FAM161B: variants seen among roughly 807,000 people sequenced by gnomAD.
The protein encoded by FAM161B is FAM161 centrosomal protein B, also known as protein FAM161B.
Under a neutral mutation model 61.5 loss-of-function variants are expected in FAM161B, and 46 were observed. The observed-to-expected ratio is 0.75, with a 90% confidence interval of 0.59 to 0.96. The LOEUF is 0.96. FAM161B is among the 40% of genes least tolerant of loss of function. FAM161B has a pLI of 0.00. For missense variants in FAM161B, 774 were observed against 800.7 expected, an observed-to-expected ratio of 0.97 and a Z score of 0.40; for synonymous variants, 284 against 302.7, an observed-to-expected ratio of 0.94 and a Z score of 0.64.
Position 73,944,318 on chromosome 14 carries a change from G to A in FAM161B, c.925+17C>T, listed in dbSNP as rs766587325. 9 of 1,554,458 alleles carry A rather than the reference G, an allele frequency of 5.8e-6. No individual in the cohort carries two copies. In the East Asian group the frequency reaches 1.4e-4, roughly 24 times the overall value. ...TCCCCGAGGCAGGAGGCAGCAAGGT[G>A]GCAAGGATGTCTTTACCCTGGAGTT... On this transcript the variant is annotated intron_variant, in intron 3 of 8. Coordinates refer to ENST00000286544, the MANE Select transcript of FAM161B (RefSeq NM_152445.3).
At chr14:73,942,877 T>G (rs2056031955) in intron 3 of FAM161B, among the ~76,000 whole-genome samples, 162 bp from the exon 4 acceptor site, 1 of 152,094 alleles carries the variant, frequency 6.6e-6, no homozygotes. Flanking sequence ...TGCCTGCAGA[T>G]GGCCTGAATA....
intron 1 of FAM161B, among the ~76,000 whole-genome samples, chr14:73,948,704 C>T (rs572297113): frequency 2.0e-4 from 30 of 152,354 alleles, no homozygotes; most frequent in Non-Finnish European, 3.8e-4. Flanking sequence ...AGAACACCTT[C>T]ATCGCCCTTA....
chr14:73,948,370 G>A (rs11624578), intron 1 of FAM161B, among the ~76,000 whole-genome samples: 46,083 of 152,168 alleles, frequency 0.3, 8,899 homozygotes, highest in Non-Finnish European at 0.42. Flanking sequence ...TGCTCTTGCC[G>A]TTGGCATTAT....
Position 73,942,675 on chromosome 14 carries a change from G to A in FAM161B, c.966C>T (p.Ala322=). ...AAGAGGCCATCTGGAGCATGTCCAG[G>A]GCTCTCATTTGGATGCGAATTTTCC... ...LFRKIRIQMR[A]LDMLQMASSP... Residue 322 remains alanine, a synonymous_variant, in exon 4 of 9, where the codon GCC becomes GCT. Transcript: ENST00000286544. 6.2e-7 allele frequency: 1 copy of A among 1,614,014 alleles called. No homozygotes were observed. Among genetic ancestry groups the A allele is most frequent in the South Asian group, 1.1e-5 (1 of 91,066 alleles).
intron 4 of FAM161B, among the ~76,000 whole-genome samples, chr14:73,942,109 G>C (rs900610102): frequency 1.2e-4 from 18 of 152,114 alleles, no homozygotes; most frequent in African/African-American, 4.3e-4. Context: ...TCCCACCTCA[G>C]CCTCCTGAAT....
chr14:73,937,905 A>T (rs1396296522), intron 6 of FAM161B, 43 bp downstream of exon 6: 6 of 1,611,204 alleles, frequency 3.7e-6, no homozygotes, highest in African/African-American at 1.3e-5. Flanking sequence ...GGTCTGTTGG[A>T]TCCCAAGGCA....
downstream of FAM161B, among the ~76,000 whole-genome samples, chr14:73,929,613 G>T (rs1446869731): frequency 6.6e-6 from 1 of 151,970 alleles, no homozygotes; most frequent in African/African-American, 2.4e-5. Context: ...GGGGTGGGAG[G>T]ATCAATTGAG....
At chr14:73,926,426 TTTG>T in the FAM161B span, among the ~76,000 whole-genome samples, 1 of 151,964 alleles carries the variant, frequency 6.6e-6, no homozygotes, top group Non-Finnish European at 1.5e-5. Context: ...GGTTTTTTGT[TTTG>T]TTTTGTTTTT....
intron 8 of FAM161B, among the ~76,000 whole-genome samples, chr14:73,934,898 A>AT (rs2055958139): frequency 6.6e-6 from 1 of 151,754 alleles, no homozygotes; most frequent in Non-Finnish European, 1.5e-5. Context: ...AATACAAAAA[A>AT]TAGCTGGGCG....
chr14:73,931,979 C>T (rs1427612607), downstream of FAM161B: 3 of 456,672 alleles, frequency 6.6e-6, no homozygotes, highest in East Asian at 6.9e-5. Context: ...TTTCAAGATG[C>T]CTTGTTGCTT....
Position 73,942,428 on chromosome 14 carries a change from T to C in FAM161B, c.1213A>G (p.Thr405Ala), listed in dbSNP as rs773884951. Residue 405 changes from threonine (T) to alanine (A), a missense_variant, in exon 4 of 9, where the codon ACC (threonine) becomes GCC (alanine). Coordinates refer to ENST00000286544, the MANE Select transcript of FAM161B (RefSeq NM_152445.3). ...CGCTGAGGGTGGCGCAGGTTGGCGG[T>C]CCTCAGCAAGAAGGGCTTGTTGCGA... is the stretch of plus-strand genomic sequence containing the variant. ...ATRNKPFLLR[T>A]ANLRHPQRPC... 1 of 1,614,168 alleles carries C rather than the reference T, an allele frequency of 6.2e-7. No individual in the cohort carries two copies. Among genetic ancestry groups the C allele is most frequent in the Non-Finnish European group, 8.5e-7 (1 of 1,180,038 alleles).
chr14:73,946,119 A>T (rs1253439674), intron 2 of FAM161B, among the ~76,000 whole-genome samples, 167 bp downstream of exon 2: 2 of 152,158 alleles, frequency 1.3e-5, no homozygotes, highest in Non-Finnish European at 1.5e-5. Context: ...CCTGGGGAGG[A>T]ATCAGAACAC....
At chr14:73,932,206 G>T, downstream of FAM161B, 1 of 334,574 alleles carries the variant, frequency 3.0e-6, no homozygotes, top group Non-Finnish European at 5.8e-6. Flanking sequence ...TCATGTTTTT[G>T]TTTTTTTAAA....
Position 73,946,575 on chromosome 14 carries a change from CTG to C in FAM161B, c.83_84del (p.Thr28ArgfsTer20), listed in dbSNP as rs2056069442. On this transcript the variant is annotated frameshift_variant, in exon 2 of 9. Coordinates refer to ENST00000286544, the MANE Select transcript of FAM161B (RefSeq NM_152445.3). LOFTEE classifies it high-confidence loss of function. ...QIFPPESFAD[T>X]EAGEELSGDG... ...TCCCCGGACAGCTCCTCTCCTGCCTCTGTGTCTGCGAAGGACTCGGGGGGAAA... is the reference window on the plus strand; with the variant it reads ...TCCCCGGACAGCTCCTCTCCTGCCTCTGTCTGCGAAGGACTCGGGGGGAAA... 1.9e-6 allele frequency: 3 copies of C among 1,613,952 alleles called. No individual in the cohort carries two copies. Among genetic ancestry groups the C allele is most frequent in the East Asian group, 2.2e-5 (1 of 44,876 alleles).
At chr14:73,925,264 C>T in the FAM161B span, among the ~76,000 whole-genome samples, 4 of 152,254 alleles carry the variant, frequency 2.6e-5, no homozygotes, top group South Asian at 2.1e-4. Flanking sequence ...ATCTCACTTA[C>T]GGAGCCTTCC....
At chr14:73,934,717 G>C (rs558395192) in intron 8 of FAM161B, among the ~76,000 whole-genome samples, 3 of 151,976 alleles carry the variant, frequency 2.0e-5, no homozygotes, top group Non-Finnish European at 4.4e-5. Flanking sequence ...AAAGTGCTGG[G>C]ATTACAGGCG....
In FAM161B at chr14:73,935,265, C is replaced by T. The variant is rs142973612; in HGVS notation, c.1805+684G>A. Among the ~76,000 whole-genome samples, 804 of 151,646 alleles carry T rather than the reference C, an allele frequency of 5.3e-3. 6 individuals are homozygous for T. The highest frequency in any genetic ancestry group is 0.03 in the South Asian group (142 of 4,788). ...ATGGAGGGCCGGGCGCGGTCACTCA[C>T]GCCTGTAATCCCAGCACTTTGGGAG... On this transcript the variant is annotated intron_variant, in intron 8 of 8. Transcript: ENST00000286544.
the FAM161B span, chr14:73,924,706 T>C: frequency 2.2e-6 from 1 of 447,556 alleles, no homozygotes; most frequent in South Asian, 1.6e-5. Flanking sequence ...AGACAGAGTC[T>C]CGCTCCGTTG....
At chr14:73,948,270 G>A (rs1475223004) in intron 1 of FAM161B, among the ~76,000 whole-genome samples, 1 of 152,238 alleles carries the variant, frequency 6.6e-6, no homozygotes, top group African/African-American at 2.4e-5. Flanking sequence ...AGTAGGGTGG[G>A]TAAGTAATTG....
Sources: allele counts gnomAD v4.1 joint callset (sites outside exome capture counted in the v4.1 genomes callset), GRCh38; gene constraint gnomAD v4.1.1; transcripts MANE v1.5; gene names NCBI Gene and HGNC (gene_info 2026-07-23, HGNC 2026-07-21).